Variants in CACNA1B observed in about 807,000 individuals in gnomAD.
CACNA1B encodes calcium voltage-gated channel subunit alpha1 B, also known as voltage-dependent N-type calcium channel subunit alpha-1B.
A neutral mutation model predicts 247.2 loss-of-function variants in CACNA1B; 70 were observed. That is an observed-to-expected ratio of 0.28 (90% CI 0.23 to 0.35). The LOEUF (loss-of-function observed/expected upper bound fraction) is 0.35. CACNA1B is among the 10% of genes least tolerant of loss of function. The pLI, the probability that CACNA1B is intolerant of heterozygous loss-of-function variation, is 1.00. For missense variants in CACNA1B, 2,367 were observed against 3,197.4 expected (o/e 0.74, Z 6.26); for synonymous variants, 1,231 against 1,294.4 (o/e 0.95, Z 1.05).
chr9:138,114,631 A>G, intron 41 of CACNA1B, 141 bp downstream of exon 41: 2 of 608,084 alleles, frequency 3.3e-6, no homozygotes, highest in Non-Finnish European at 5.8e-6. Context: ...TCTTGCAGCT[A>G]CCTCTCTGGC....
chr9:137,984,015 T>C (rs947233381), intron 12 of CACNA1B, 123 bp from the exon 13 acceptor site: 2 of 711,404 alleles, frequency 2.8e-6, no homozygotes, highest in Admixed American at 2.1e-5. Context: ...GGCTTGATTG[T>C]CAGACAAGGA....
rs1479957514 is a variant in CACNA1B at position 137,881,777 on chromosome 9, A to G, written c.391-967A>G. Among the ~76,000 whole-genome samples the G allele has an allele frequency of 1.3e-5, 2 of 152,140 alleles. No individual in the cohort carries two copies. The highest frequency in any genetic ancestry group is 2.9e-5 in the Non-Finnish European group (2 of 68,026). ...CCCTGTTTGCTGCTTCCAGCTCGGC[A>G]CTGGTAGGGCCTGGCTCTGCTCTCT... On this transcript the variant is annotated intron_variant, in intron 2 of 46. Coordinates refer to ENST00000371372, the MANE Select transcript of CACNA1B (RefSeq NM_000718.4). This position sits in a 1 kb window ranked among gnomAD's most constrained non-coding sequence, Gnocchi z 4.3.
Position 138,023,374 on chromosome 9 carries a change from G to A in CACNA1B, c.2631G>A (p.Gly877=), listed in dbSNP as rs1440650356. The A allele has an allele frequency of 1.4e-4, 201 of 1,395,892 alleles. No individual in the cohort carries two copies. The highest frequency in any genetic ancestry group is 1.8e-4 in the Non-Finnish European group (193 of 1,082,820). 86.5% of individuals were successfully genotyped at this position (1,395,892 alleles called of 1,614,324 possible). Residue 877 remains glycine (G), a synonymous_variant, in exon 19 of 47, where the codon GGG becomes GGA. Transcript: ENST00000371372. ...DRAEAPKAES[G]EPGAREERPR... is the part of the protein sequence containing the mutation. ...CAGAGGCCCCGAAGGCGGAGAGCGGGGAGCCCGGTGCCCGGGAGGAGCGGC... is the reference window on the plus strand; with the variant it reads ...CAGAGGCCCCGAAGGCGGAGAGCGGAGAGCCCGGTGCCCGGGAGGAGCGGC...
chr9:138,113,410 A>G (rs1961730714), intron 40 of CACNA1B, among the ~76,000 whole-genome samples: 1 of 148,892 alleles, frequency 6.7e-6, no homozygotes, highest in African/African-American at 2.5e-5. Flanking sequence ...CTTATGGGAT[A>G]CGTGAGGGAA....
In CACNA1B at chr9:138,064,379, C is replaced by G. The variant is rs1053534240; in HGVS notation, c.4668+4642C>G. On this transcript the variant is annotated intron_variant, in intron 31 of 46. Transcript: ENST00000371372. Reference sequence around the variant, plus strand: ...ATTCTTCTGCAAGGGGGCCCAGTCTCTCCTCTAAGCTGTGGACCCTGGATC... The same window carrying G: ...ATTCTTCTGCAAGGGGGCCCAGTCTGTCCTCTAAGCTGTGGACCCTGGATC... Among the ~76,000 whole-genome samples, 6 of 152,334 alleles carry G rather than the reference C, an allele frequency of 3.9e-5. No homozygotes were observed. In the South Asian group the frequency reaches 1.2e-3, roughly 32 times the overall value.
chr9:137,960,251 C>T (rs1282348627), intron 10 of CACNA1B, among the ~76,000 whole-genome samples: 3 of 140,768 alleles, frequency 2.1e-5, no homozygotes, highest in Non-Finnish European at 4.7e-5. Context: ...GGGAGTTAGG[C>T]CTGAGGGACA....
chr9:138,005,992 G>A (rs1216975045), intron 15 of CACNA1B, among the ~76,000 whole-genome samples: 5 of 144,648 alleles, frequency 3.5e-5, no homozygotes, highest in African/African-American at 5.2e-5. Flanking sequence ...GCAGTGAGCC[G>A]AGATTGCACC....
chr9:138,015,413 G>C (rs1958778749), intron 18 of CACNA1B, among the ~76,000 whole-genome samples: 1 of 151,996 alleles, frequency 6.6e-6, no homozygotes, highest in Non-Finnish European at 1.5e-5. Flanking sequence ...GTGTTGTGCT[G>C]AGACCTCCGA....
At chr9:138,002,564 AT>A (rs1344534642) in intron 15 of CACNA1B, among the ~76,000 whole-genome samples, 27 of 147,458 alleles carry the variant, frequency 1.8e-4, no homozygotes, top group African/African-American at 6.7e-4. Context: ...AAAAAAAAAA[AT>A]AGCTGATGGT....
chr9:137,971,497 G>A lies in CACNA1B; in HGVS notation c.1448G>A (p.Ser483Asn), dbSNP rs1226774650. Reference protein sequence around the residue: ...FFIRRMVKAQSFYWVVLCVVA... With the variant: ...FFIRRMVKAQNFYWVVLCVVA... ...ATCCGGCGCATGGTGAAGGCTCAGA[G>A]CTTCTACTGGGTGGTGCTGTGCGTG... The change falls in exon 11 of 47, where the codon AGC (serine) becomes AAC (asparagine). Residue 483 changes from serine to asparagine, a missense_variant. Transcript: ENST00000371372. The surrounding 1 kb of genome is among the most constrained non-coding windows in gnomAD (Gnocchi z 4.4). 3 of 1,613,798 alleles carry A rather than the reference G, an allele frequency of 1.9e-6. No homozygotes were observed. The highest frequency in any genetic ancestry group is 2.2e-5 in the East Asian group (1 of 44,878).
In CACNA1B at chr9:138,050,069, C is replaced by T. The variant is rs1221558160; in HGVS notation, c.3710+754C>T. On this transcript the variant is annotated intron_variant, in intron 24 of 46. Transcript: ENST00000371372. The surrounding 1 kb of genome is among the most constrained non-coding windows in gnomAD (Gnocchi z 5.2). ...CTCTTTGTCTTCCTCTTGCTGGACTCGGCAGGAGCTTCGTGGGGTAATGCC... is the reference window on the plus strand; with the variant it reads ...CTCTTTGTCTTCCTCTTGCTGGACTTGGCAGGAGCTTCGTGGGGTAATGCC... 1.2e-4 allele frequency: 149 copies of T among 1,289,586 alleles called. No individual in the cohort carries two copies. Among genetic ancestry groups the T allele is most frequent in the Middle Eastern group, 2.1e-4 (1 of 4,696 alleles). The allele number at this position is 1,289,586 out of a possible 1,614,324, so 79.9% of individuals were successfully genotyped here. A position where few individuals can be genotyped will look rare whatever the true frequency, so the allele number is the denominator to read the frequency against.
At chr9:138,061,694 C>T (rs1959730363) in intron 31 of CACNA1B, among the ~76,000 whole-genome samples, 1 of 152,180 alleles carries the variant, frequency 6.6e-6, no homozygotes, top group Admixed American at 6.5e-5. Flanking sequence ...TTAGTGCCGG[C>T]ACGGTACTGC....
rs376376021 is a variant in CACNA1B, at chr9:138,082,734, C to T, written c.5094+4476C>T. On this transcript the variant is annotated intron_variant, in intron 36 of 46. Coordinates refer to ENST00000371372, the MANE Select transcript of CACNA1B (RefSeq NM_000718.4). ...AACCCAATTAAGAAATGAGAGGTAACGTCAGCAAGATGGCTGACCTTCCAC... is the reference window on the plus strand; with the variant it reads ...AACCCAATTAAGAAATGAGAGGTAATGTCAGCAAGATGGCTGACCTTCCAC... Among the ~76,000 whole-genome samples the T allele has an allele frequency of 3.7e-4, 56 of 151,268 alleles. 5 individuals carry two copies. The East Asian group carries it at 4.7e-3, about 13-fold the overall frequency.
chr9:138,120,140 C>CA, intron 44 of CACNA1B, 25 bp from the exon 45 acceptor site: 1 of 1,567,876 alleles, frequency 6.4e-7, no homozygotes. Context: ...CTCCCCTAGG[C>CA]CCACTCTCAG....
At position 138,023,319 on chromosome 9, in the gene CACNA1B, A is replaced by G. The variant is rs1300231507; in HGVS notation, c.2576A>G (p.Lys859Arg). ...CACCACCGGCACCGCGACAAGGACA[A>G]GACCCCCGCGGCGGGGGACCAGGAC... ...RRHHRHRDKD[K>R]TPAAGDQDRA... is the part of the protein sequence containing the mutation. Residue 859 changes from lysine (K) to arginine (R), a missense_variant, in exon 19 of 47, where the codon AAG becomes AGG. Around this residue, in one of 12 missense-constraint regions of CACNA1B, gnomAD observed 631 missense variants for 631.1 expected, o/e 1.00. Coordinates refer to ENST00000371372, the MANE Select transcript of CACNA1B (RefSeq NM_000718.4). 1 of 1,504,252 alleles carries G rather than the reference A, an allele frequency of 6.6e-7. No homozygotes were observed. 93.2% of individuals were successfully genotyped at this position (1,504,252 alleles called of 1,614,324 possible).
intron 12 of CACNA1B, among the ~76,000 whole-genome samples, chr9:137,981,742 G>T (rs528853579): frequency 1.3e-4 from 20 of 152,212 alleles, no homozygotes; most frequent in Non-Finnish European, 2.5e-4. Context: ...GCCTCCCAAA[G>T]TGTTGGGATT....
Position 138,120,622 on chromosome 9 carries a change from C to T in CACNA1B, c.6239-9C>T. ...CTGGCCGTGCTAACTTCTTCTCTTC[C>T]CTGGCCAGCACCAAGCAGTGCTGTG... On this transcript the variant is annotated splice_polypyrimidine_tract_variant and intron_variant, in intron 45 of 46. Transcript: ENST00000371372. The T allele has an allele frequency of 6.7e-7, 1 of 1,488,652 alleles. No individual in the cohort carries two copies. Among genetic ancestry groups the T allele is most frequent in the Non-Finnish European group, 8.9e-7 (1 of 1,123,232 alleles). The allele number at this position is 1,488,652 out of a possible 1,614,324, so 92.2% of individuals were successfully genotyped here. A position where few individuals can be genotyped will look rare whatever the true frequency, so the allele number is the denominator to read the frequency against.
intron 24 of CACNA1B, 143 bp downstream of exon 24, chr9:138,049,458 T>C: frequency 1.5e-6 from 1 of 676,978 alleles, no homozygotes; most frequent in East Asian, 2.7e-5. Context: ...GGACTGTCCC[T>C]GCCTGCTTGG....
At position 137,914,863 on chromosome 9, in the gene CACNA1B, G is replaced by A. The variant is rs1957393447; in HGVS notation, c.775+57G>A. The A allele has an allele frequency of 1.3e-6, 2 of 1,594,340 alleles. No homozygotes were observed. Among genetic ancestry groups the A allele is most frequent in the Non-Finnish European group, 1.7e-6 (2 of 1,169,200 alleles). Reference sequence around the variant, plus strand: ...AAGTGCCACGGATGCGTTCATCCAGGAGATGGGCACTGTTCTAGGTGCTAG... The same window carrying A: ...AAGTGCCACGGATGCGTTCATCCAGAAGATGGGCACTGTTCTAGGTGCTAG... On this transcript the variant is annotated intron_variant, in intron 5 of 46. Coordinates refer to ENST00000371372, the MANE Select transcript of CACNA1B (RefSeq NM_000718.4). The surrounding 1 kb of genome is among the most constrained non-coding windows in gnomAD (Gnocchi z 4.3).
Sources: allele counts gnomAD v4.1 joint callset (sites outside exome capture counted in the v4.1 genomes callset), GRCh38; gene constraint gnomAD v4.1.1; regional missense constraint gnomAD v4.1.1; non-coding constraint Gnocchi (gnomAD v3.1); transcripts MANE v1.5; gene names NCBI Gene and HGNC (gene_info 2026-07-23, HGNC 2026-07-21).